TBC1D4: variants seen among roughly 807,000 people sequenced by gnomAD.
TBC1D4 encodes the protein TBC1 domain family member 4.
A neutral mutation model predicts 142.5 loss-of-function variants in TBC1D4; 121 were observed. That is an observed-to-expected ratio of 0.85 (90% CI 0.73 to 0.99). The LOEUF (loss-of-function observed/expected upper bound fraction) is 0.99, where lower values mean the gene tolerates loss of function less well. TBC1D4 is among the 50% of genes least tolerant of loss of function. The pLI, the probability that TBC1D4 is intolerant of heterozygous loss-of-function variation, is 0.00. For synonymous variants in TBC1D4, 630 were observed against 628.2 expected (o/e 1.00, Z -0.04); for missense variants, 1,475 against 1,606.6 (o/e 0.92, Z 1.40).
chr13:75,307,010 C>T (rs1877251449), intron 14 of TBC1D4, among the ~76,000 whole-genome samples: 1 of 152,160 alleles, frequency 6.6e-6, no homozygotes, highest in African/African-American at 2.4e-5. Context: ...TCACTCTGTA[C>T]CCCAAGCTGG....
chr13:75,384,571 A>C (rs1884062757), intron 1 of TBC1D4, among the ~76,000 whole-genome samples: 1 of 146,316 alleles, frequency 6.8e-6, no homozygotes, highest in Admixed American at 7.0e-5. Flanking sequence ...GAAAAAAAAA[A>C]AGTTTCTTTA....
At chr13:75,310,210 TC>T in intron 13 of TBC1D4, 59 bp from the exon 14 acceptor site, 1 of 1,512,438 alleles carries the variant, frequency 6.6e-7, no homozygotes, top group Non-Finnish European at 9.1e-7. Flanking sequence ...TACCCAAGTT[TC>T]TGTAGAATTC....
intron 1 of TBC1D4, among the ~76,000 whole-genome samples, chr13:75,419,013 G>A (rs1886043680): frequency 6.6e-6 from 1 of 152,112 alleles, no homozygotes; most frequent in Non-Finnish European, 1.5e-5. Flanking sequence ...TGGGACCACT[G>A]ATCTAAACGT....
At chr13:75,398,327 C>T (rs181414539) in intron 1 of TBC1D4, among the ~76,000 whole-genome samples, 42 of 152,226 alleles carry the variant, frequency 2.8e-4, no homozygotes, top group Admixed American at 2.3e-3. Context: ...AAATCTAAAA[C>T]ATGTGGAATT....
intron 1 of TBC1D4, among the ~76,000 whole-genome samples, chr13:75,369,992 A>C (rs80063251): frequency 6.6e-6 from 1 of 152,160 alleles, no homozygotes; most frequent in Non-Finnish European, 1.5e-5. Context: ...GAAGGCAGAA[A>C]TTTGGAAAGA....
chr13:75,393,526 G>A (rs1884605331), intron 1 of TBC1D4, among the ~76,000 whole-genome samples: 1 of 152,114 alleles, frequency 6.6e-6, no homozygotes, highest in Non-Finnish European at 1.5e-5. Flanking sequence ...ATGCACAGGC[G>A]AGACCTACAA....
At chr13:75,386,850 T>A (rs1884206503) in intron 1 of TBC1D4, among the ~76,000 whole-genome samples, 1 of 152,208 alleles carries the variant, frequency 6.6e-6, no homozygotes, top group African/African-American at 2.4e-5. Flanking sequence ...AGACTCATTC[T>A]AAACAAAAAG....
At chr13:75,356,739 T>TC (rs1882082140) in intron 3 of TBC1D4, among the ~76,000 whole-genome samples, 1 of 152,214 alleles carries the variant, frequency 6.6e-6, no homozygotes, top group African/African-American at 2.4e-5. Flanking sequence ...TTATAGACAC[T>TC]CAAGCAGCCA....
At chr13:75,473,142 C>A (rs906975187) in intron 1 of TBC1D4, among the ~76,000 whole-genome samples, 1 of 152,082 alleles carries the variant, frequency 6.6e-6, no homozygotes, top group African/African-American at 2.4e-5. Context: ...GGATTACAGG[C>A]ATGCACCACC....
At position 75,286,585 on chromosome 13, in the gene TBC1D4, A is replaced by G. The variant is rs1385094839; in HGVS notation, c.*207T>C. On this transcript the variant is annotated 3_prime_UTR_variant, in exon 21 of 21. Coordinates refer to ENST00000377636, the MANE Select transcript of TBC1D4 (RefSeq NM_014832.5). ...TATATATATTTATATGTACATAGCA[A>G]CAACAAAAACCAGTCTACATATGTC... 5 of 575,646 alleles carry G rather than the reference A, an allele frequency of 8.7e-6. No homozygotes were observed. Among genetic ancestry groups the G allele is most frequent in the Non-Finnish European group, 3.1e-6 (1 of 323,376 alleles). The allele number at this position is 575,646 out of a possible 1,614,324, so 35.7% of individuals were successfully genotyped here.
In TBC1D4 at chr13:75,346,161, TG is replaced by T. The variant is rs764352280; in HGVS notation, c.1408+3008del. ...TAAATCTAAAAGTAGATCAAAGTTT[TG>T]TTTTTTTTATATACTAAGTTTTGGG... On this transcript the variant is annotated intron_variant, in intron 5 of 20. Coordinates refer to ENST00000377636, the MANE Select transcript of TBC1D4 (RefSeq NM_014832.5). Among the ~76,000 whole-genome samples, 189 of 152,342 alleles carry T rather than the reference TG, an allele frequency of 1.2e-3. 1 individual carries two copies. The highest frequency in any genetic ancestry group is 2.0e-3 in the Non-Finnish European group (133 of 68,026).
intron 12 of TBC1D4, among the ~76,000 whole-genome samples, chr13:75,315,840 G>A (rs1878271295): frequency 6.6e-6 from 1 of 152,126 alleles, no homozygotes; most frequent in South Asian, 2.1e-4. Context: ...TTTTTCTAAA[G>A]TATGTTCTGA....
chr13:75,445,848 G>A (rs141161235), intron 1 of TBC1D4, among the ~76,000 whole-genome samples: 1 of 152,294 alleles, frequency 6.6e-6, no homozygotes, highest in Non-Finnish European at 1.5e-5. Context: ...GATGATTGCC[G>A]ATTCAACAAG....
chr13:75,411,141 G>A (rs568250292), intron 1 of TBC1D4, among the ~76,000 whole-genome samples: 1 of 151,984 alleles, frequency 6.6e-6, no homozygotes, highest in South Asian at 2.1e-4. Flanking sequence ...CTCCACAACC[G>A]CTCCTTTGTT....
intron 1 of TBC1D4, among the ~76,000 whole-genome samples, chr13:75,384,488 T>C (rs907437864): frequency 1.7e-4 from 26 of 150,136 alleles, no homozygotes; most frequent in African/African-American, 6.4e-4. Flanking sequence ...CAGCACTACA[T>C]CCAGTCAACC....
chr13:75,420,060 CAT>C (rs1291989159), intron 1 of TBC1D4, among the ~76,000 whole-genome samples: 1 of 152,110 alleles, frequency 6.6e-6, no homozygotes, highest in East Asian at 1.9e-4. Context: ...GAGGGAGGAA[CAT>C]ATCAGAAGAA....
intron 14 of TBC1D4, among the ~76,000 whole-genome samples, chr13:75,307,338 T>C (rs1042773609): frequency 2.6e-5 from 4 of 152,210 alleles, no homozygotes; most frequent in African/African-American, 9.7e-5. Flanking sequence ...ATTTTTAAAA[T>C]AATATAGAGT....
chr13:75,408,699 G>A (rs1885455643), intron 1 of TBC1D4, among the ~76,000 whole-genome samples: 1 of 152,046 alleles, frequency 6.6e-6, no homozygotes, highest in Non-Finnish European at 1.5e-5. Context: ...CAGTGTATGA[G>A]GATTCCAATT....
chr13:75,435,649 C>T (rs1159797680), intron 1 of TBC1D4, among the ~76,000 whole-genome samples: 1 of 152,102 alleles, frequency 6.6e-6, no homozygotes. Context: ...CCAGTGGCAA[C>T]GAATATACCA....
Sources: gnomAD v4.1 joint callset for allele counts (sites outside exome capture counted in the v4.1 genomes callset) on GRCh38, gnomAD v4.1.1 for gene constraint, MANE v1.5 for transcripts, NCBI Gene and HGNC (gene_info 2026-07-23, HGNC 2026-07-21) for gene names.